CHMP2A: variants seen among roughly 807,000 people sequenced by gnomAD.
The protein encoded by CHMP2A is charged multivesicular body protein 2A.
In CHMP2A, 6 loss-of-function variants were observed where a neutral mutation model predicts 21.8. The ratio of observed to expected loss-of-function variants is 0.28; its 90% CI spans 0.15 to 0.54. The LOEUF is 0.54. Among genes scored for constraint, CHMP2A ranks in the 20% least tolerant of loss-of-function variants. The pLI, the probability that CHMP2A is intolerant of heterozygous loss-of-function variation, is 0.95. For missense variants in CHMP2A, 303 were observed against 293.9 expected (o/e 1.03, Z -0.23); for synonymous variants, 125 against 107.0 (o/e 1.17, Z -1.04).
intron 2 of CHMP2A, among the ~76,000 whole-genome samples, chr19:58,553,516 C>T (rs995745658): frequency 4.6e-5 from 7 of 150,876 alleles, no homozygotes; most frequent in African/African-American, 1.5e-4. Flanking sequence ...GGATTACAGG[C>T]GTGCGCCACC....
chr19:58,554,453 G>A (rs542959243), intron 1 of CHMP2A: 2 of 510,404 alleles, frequency 3.9e-6, no homozygotes, highest in Non-Finnish European at 3.4e-6. Context: ...GTGCTGGCCC[G>A]AGCCCCTCCT....
chr19:58,552,960 C>T (rs10414125), intron 2 of CHMP2A, among the ~76,000 whole-genome samples: 20,424 of 152,142 alleles, frequency 0.13, 2,606 homozygotes, highest in African/African-American at 0.33. Flanking sequence ...AGGCCAAAAC[C>T]CTCTCACCCA....
chr19:58,554,025 G>A lies in CHMP2A; in HGVS notation c.168+20C>T. The stretch of plus-strand genomic sequence containing the variant: ...AGCCGTGCCTGATTGACAGCAACCT[G>A]CCCGACCACCCACACTCACCATCTG... On this transcript the variant is annotated intron_variant, in intron 2 of 5. Transcript: ENST00000312547. 1 of 1,612,552 alleles carries A rather than the reference G, an allele frequency of 6.2e-7. No individual in the cohort carries two copies. The highest frequency in any genetic ancestry group is 1.3e-5 in the African/African-American group (1 of 75,026).
Position 58,552,384 on chromosome 19 carries a change from T to TG in CHMP2A, c.222dup (p.Lys75GlnfsTer56), listed in dbSNP as rs773892194. The TG allele has an allele frequency of 6.2e-7, 1 of 1,614,254 alleles. No individual in the cohort carries two copies. The highest frequency in any genetic ancestry group is 8.5e-7 in the Non-Finnish European group (1 of 1,180,050). On this transcript the variant is annotated frameshift_variant, in exon 3 of 6. Coordinates refer to ENST00000312547, the MANE Select transcript of CHMP2A (RefSeq NM_014453.4). LOFTEE classifies it high-confidence loss of function. ...ATGTTGGCCCGCATCAATACAAACT[T>TG]GCGCACATAGCGCCGGGTGCGCACC...
In CHMP2A at chr19:58,551,927, T is replaced by C; in HGVS notation, c.520A>G (p.Ser174Gly). Residue 174 changes from serine to glycine, a missense_variant, in exon 5 of 6, where the codon AGC becomes GGC. By Grantham distance (56) the Ser-to-Gly change is moderately conservative. Coordinates refer to ENST00000312547, the MANE Select transcript of CHMP2A (RefSeq NM_014453.4). Reference protein sequence around the residue: ...VSQVLDELGLSLTDELSNLPS... With the variant: ...VSQVLDELGLGLTDELSNLPS... Reference sequence around the variant, plus strand: ...TCACTCGACAGCTCATCTGTTAGGCTAAGTCCCAGCTCATCCAGAACCTGG... The same window carrying C: ...TCACTCGACAGCTCATCTGTTAGGCCAAGTCCCAGCTCATCCAGAACCTGG... 1 of 1,614,084 alleles carries C rather than the reference T, an allele frequency of 6.2e-7. No homozygotes were observed. Among genetic ancestry groups the C allele is most frequent in the Non-Finnish European group, 8.5e-7 (1 of 1,180,026 alleles).
Position 58,552,452 on chromosome 19 carries a change from A to G in CHMP2A, c.169-14T>C, listed in dbSNP as rs1173254176. Reference sequence around the variant, plus strand: ...GCGAACAGCATCCTGCAGAGTAGACAAGGGTATCAAGGACACAGGAATGAG... The same window carrying G: ...GCGAACAGCATCCTGCAGAGTAGACGAGGGTATCAAGGACACAGGAATGAG... On this transcript the variant is annotated splice_polypyrimidine_tract_variant and intron_variant, in intron 2 of 5. Coordinates refer to ENST00000312547, the MANE Select transcript of CHMP2A (RefSeq NM_014453.4). 6.2e-7 allele frequency: 1 copy of G among 1,608,854 alleles called. No homozygotes were observed. Among genetic ancestry groups the G allele is most frequent in the East Asian group, 2.2e-5 (1 of 44,820 alleles).
intron 2 of CHMP2A, among the ~76,000 whole-genome samples, chr19:58,552,722 C>T (rs2053847493): frequency 6.6e-6 from 1 of 152,326 alleles, no homozygotes; most frequent in Admixed American, 6.5e-5. Flanking sequence ...CCTGAGGGTT[C>T]CTTTTCCCTC....
Position 58,552,079 on chromosome 19 carries a change from C to T in CHMP2A, c.455G>A (p.Gly152Asp), listed in dbSNP as rs1341808043. The T allele has an allele frequency of 1.2e-6, 2 of 1,614,078 alleles. No individual in the cohort carries two copies. The highest frequency in any genetic ancestry group is 1.7e-6 in the Non-Finnish European group (2 of 1,180,030). ...CCTCTCCTCTTCATCTTCCTCATCA[C>T]CCATGGCATCATCAATGGCATCATT... ...MMNDAIDDAM[G>D]DEEDEEESDA... Residue 152 changes from glycine (G) to aspartate (D), a missense_variant, in exon 4 of 6, where the codon GGT (glycine) becomes GAT (aspartate). Coordinates refer to ENST00000312547, the MANE Select transcript of CHMP2A (RefSeq NM_014453.4).
rs1365279794 is a variant in CHMP2A at position 58,554,124 on chromosome 19, T to A, written c.89A>T (p.Asp30Val). Residue 30 changes from aspartate (D) to valine (V), a missense_variant, in exon 2 of 6, where the codon GAC (aspartate) becomes GTC (valine). By Grantham distance (152) the Asp-to-Val change is radical. Coordinates refer to ENST00000312547, the MANE Select transcript of CHMP2A (RefSeq NM_014453.4). ...GGTCTCTAGTTTCTGTCGCTCGCGG[T>A]CCAGCTCCCGCATGGCACGGTTCAG... is the stretch of plus-strand genomic sequence containing the variant. ...RALNRAMREL[D>V]RERQKLETQE... The A allele has an allele frequency of 6.2e-7, 1 of 1,614,184 alleles. No individual in the cohort carries two copies. The highest frequency in any genetic ancestry group is 1.3e-5 in the African/African-American group (1 of 75,068).
In CHMP2A at chr19:58,551,890, G is replaced by T; in HGVS notation, c.541+16C>A. On this transcript the variant is annotated intron_variant, in intron 5 of 5. Transcript: ENST00000312547. Reference sequence around the variant, plus strand: ...GCCTTGGGTGGGAAATGGGGTCCAGGATTTGGAGCACTCACTCGACAGCTC... The same window carrying T: ...GCCTTGGGTGGGAAATGGGGTCCAGTATTTGGAGCACTCACTCGACAGCTC... The T allele has an allele frequency of 6.2e-7, 1 of 1,614,070 alleles. No individual in the cohort carries two copies. The highest frequency in any genetic ancestry group is 1.1e-5 in the South Asian group (1 of 91,076).
intron 2 of CHMP2A, 29 bp downstream of exon 2, chr19:58,554,016 C>T (rs768686304): frequency 8.1e-6 from 13 of 1,611,874 alleles, no homozygotes; most frequent in African/African-American, 1.3e-5. Flanking sequence ...GCCTGATTGA[C>T]AGCAACCTGC....
chr19:58,553,675 C>G (rs957593782), intron 2 of CHMP2A: 2 of 303,870 alleles, frequency 6.6e-6, no homozygotes, highest in South Asian at 2.9e-5. Context: ...GCGCCCGGCC[C>G]TGTAATCCCT....
chr19:58,553,954 A>G (rs1240417133), intron 2 of CHMP2A, 91 bp downstream of exon 2: 35 of 1,539,740 alleles, frequency 2.3e-5, no homozygotes, highest in Non-Finnish European at 2.9e-5. Flanking sequence ...GTTTTGCTGA[A>G]AGCACCTGTG....
chr19:58,553,998 A>G (rs376596276), intron 2 of CHMP2A, 47 bp downstream of exon 2: 1 of 1,607,630 alleles, frequency 6.2e-7, no homozygotes, highest in Non-Finnish European at 8.5e-7. Context: ...CACTGCTGTT[A>G]GAGCCGTGCC....
intron 2 of CHMP2A, among the ~76,000 whole-genome samples, chr19:58,552,817 C>T (rs1453487077): frequency 1.3e-5 from 2 of 152,242 alleles, no homozygotes; most frequent in Admixed American, 6.5e-5. Flanking sequence ...TCTCTTCCTT[C>T]ACCTGATACA....
intron 1 of CHMP2A, chr19:58,554,510 C>T (rs952747605): frequency 7.5e-6 from 3 of 400,820 alleles, no homozygotes; most frequent in South Asian, 3.0e-5. Context: ...GTTCAGCTTC[C>T]CTCTCCAGAA....
At position 58,554,042 on chromosome 19, in the gene CHMP2A, C is replaced by T. The variant is rs756973670; in HGVS notation, c.168+3G>A. The T allele has an allele frequency of 8.7e-6, 14 of 1,613,424 alleles. No homozygotes were observed. Among genetic ancestry groups the T allele is most frequent in the Non-Finnish European group, 1.7e-6 (2 of 1,180,024 alleles). ...AGCAACCTGCCCGACCACCCACACT[C>T]ACCATCTGGCCTTGCTTGGCCATCT... On this transcript the variant is annotated splice_donor_region_variant and intron_variant, in intron 2 of 5. Transcript: ENST00000312547.
rs754859092 is a variant in CHMP2A at position 58,552,253 on chromosome 19, G to T, written c.348+6C>A. ...GGAGTGGGAAGGGGGATTGGGAAAA[G>T]CGCACCTGTCTGTTCATGGTGCCCA... On this transcript the variant is annotated splice_donor_region_variant and intron_variant, in intron 3 of 5. Coordinates refer to ENST00000312547, the MANE Select transcript of CHMP2A (RefSeq NM_014453.4). The T allele has an allele frequency of 3.1e-6, 5 of 1,614,190 alleles. No individual in the cohort carries two copies. The highest frequency in any genetic ancestry group is 4.2e-6 in the Non-Finnish European group (5 of 1,180,020).
At position 58,551,851 on chromosome 19, in the gene CHMP2A, G is replaced by A. The variant is rs756547116; in HGVS notation, c.541+55C>T. ...AGTAATGCAGGGAAAGGGAGGGCTTGGAGCTGTGGCTGGGCCTTGGGTGGG... is the reference window on the plus strand; with the variant it reads ...AGTAATGCAGGGAAAGGGAGGGCTTAGAGCTGTGGCTGGGCCTTGGGTGGG... On this transcript the variant is annotated intron_variant, in intron 5 of 5. Coordinates refer to ENST00000312547, the MANE Select transcript of CHMP2A (RefSeq NM_014453.4). 3 of 1,614,110 alleles carry A rather than the reference G, an allele frequency of 1.9e-6. No homozygotes were observed. The South Asian group carries it at 3.3e-5, about 18-fold the overall frequency.
Sources: allele counts gnomAD v4.1 joint callset (sites outside exome capture counted in the v4.1 genomes callset), GRCh38; gene constraint gnomAD v4.1.1; transcripts MANE v1.5; gene names NCBI Gene and HGNC (gene_info 2026-07-23, HGNC 2026-07-21).